GPD2: variants seen among roughly 807,000 people sequenced by gnomAD.
GPD2 encodes glycerol-3-phosphate dehydrogenase, mitochondrial.
GPD2 carries 54 observed loss-of-function variants against 82.4 expected under a neutral mutation model. The observed-to-expected ratio is 0.66, with a 90% CI of 0.53 to 0.82. The LOEUF is 0.82. GPD2 is among the 40% of genes least tolerant of loss of function. The pLI is 0.00. For synonymous variants in GPD2, 288 were observed against 306.1 expected, an observed-to-expected ratio of 0.94 and a Z score of 0.62; for missense variants, 748 against 896.2, an observed-to-expected ratio of 0.83 and a Z score of 2.11.
chr2:156,445,246 G>A (rs1682329952), intron 1 of GPD2, among the ~76,000 whole-genome samples: 1 of 152,188 alleles, frequency 6.6e-6, no homozygotes, highest in Non-Finnish European at 1.5e-5. Context: ...AAGGCACAGA[G>A]AAGTTAAGGG....
intron 1 of GPD2, among the ~76,000 whole-genome samples, chr2:156,460,108 A>G (rs1422131103): frequency 6.6e-6 from 1 of 152,224 alleles, no homozygotes; most frequent in East Asian, 1.9e-4. Flanking sequence ...TTTACTTAAT[A>G]TTATCCCAAT....
chr2:156,466,989 T>C (rs958955545), intron 1 of GPD2, among the ~76,000 whole-genome samples: 20 of 152,198 alleles, frequency 1.3e-4, no homozygotes, highest in African/African-American at 4.8e-4. Context: ...TCTAAAATGA[T>C]ATAATTGACA....
intron 6 of GPD2, among the ~76,000 whole-genome samples, chr2:156,534,186 C>G (rs1163480120): frequency 6.6e-6 from 1 of 152,120 alleles, no homozygotes; most frequent in East Asian, 1.9e-4. Flanking sequence ...GTCCTGTGGC[C>G]GATCTCCTCT....
chr2:156,531,489 T>G (rs990235803), intron 6 of GPD2, among the ~76,000 whole-genome samples: 7 of 152,218 alleles, frequency 4.6e-5, no homozygotes, highest in Admixed American at 4.6e-4. Context: ...TCATTTACTT[T>G]AAAATGGTTC....
At chr2:156,536,770 G>A (rs1686099756) in intron 6 of GPD2, among the ~76,000 whole-genome samples, 1 of 152,136 alleles carries the variant, frequency 6.6e-6, no homozygotes, top group African/African-American at 2.4e-5. Flanking sequence ...TGCTGACTAG[G>A]CAATCTTAAT....
chr2:156,553,137 C>T (rs150585568), intron 8 of GPD2, among the ~76,000 whole-genome samples: 60 of 152,118 alleles, frequency 3.9e-4, no homozygotes, highest in African/African-American at 1.4e-3. Flanking sequence ...GATCTGCCCG[C>T]CTCGCCTCCC....
intron 6 of GPD2, among the ~76,000 whole-genome samples, chr2:156,519,156 CAT>C (rs1361130989): frequency 6.6e-6 from 1 of 151,698 alleles, no homozygotes; most frequent in African/African-American, 2.4e-5. Flanking sequence ...TAAATATACA[CAT>C]ATTGGAGATA....
At chr2:156,400,758 G>A in the GPD2 span, among the ~76,000 whole-genome samples, 10 of 152,220 alleles carry the variant, frequency 6.6e-5, no homozygotes, top group African/African-American at 2.2e-4. Context: ...CCAGAAATAT[G>A]CTTTCGGCTG....
At position 156,447,838 on chromosome 2, in the gene GPD2, T is replaced by C. The variant is rs533430775; in HGVS notation, c.-9+11325T>C. Among the ~76,000 whole-genome samples the C allele has an allele frequency of 1.2e-4, 18 of 152,340 alleles. No individual in the cohort carries two copies. In the South Asian group the frequency reaches 3.3e-3, roughly 28 times the overall value. ...TGGAATTCCCAGGGTCTGTCTTTAG[T>C]TCACTCTCTTTTCTCTGTTGATGCT... is the stretch of plus-strand genomic sequence containing the variant. On this transcript the variant is annotated intron_variant, in intron 1 of 16. Coordinates refer to ENST00000438166, the MANE Select transcript of GPD2 (RefSeq NM_000408.5).
intron 1 of GPD2, among the ~76,000 whole-genome samples, chr2:156,446,127 C>T (rs148126574): frequency 5.3e-5 from 8 of 152,120 alleles, no homozygotes; most frequent in African/African-American, 1.9e-4. Context: ...AGATGAGTCT[C>T]GCTCTGTTGC....
chr2:156,469,693 G>T (rs1267402424), intron 1 of GPD2, among the ~76,000 whole-genome samples: 10 of 152,122 alleles, frequency 6.6e-5, no homozygotes. Context: ...TTCTGTAATT[G>T]ATCTTTGAGC....
chr2:156,582,400 T>C (rs941847230), intron 16 of GPD2, among the ~76,000 whole-genome samples: 2 of 151,124 alleles, frequency 1.3e-5, no homozygotes, highest in East Asian at 1.9e-4. Context: ...TAGACAAATA[T>C]AGGTCATGGT....
At chr2:156,510,748 T>C in intron 3 of GPD2, 48 bp from the exon 4 acceptor site, 5 of 1,521,602 alleles carry the variant, frequency 3.3e-6, no homozygotes, top group Non-Finnish European at 4.6e-6. Flanking sequence ...ATGAATTACA[T>C]ACAAATTGTG....
intron 3 of GPD2, among the ~76,000 whole-genome samples, chr2:156,504,995 A>G (rs529663806): frequency 6.6e-6 from 1 of 152,232 alleles, no homozygotes; most frequent in East Asian, 1.9e-4. Flanking sequence ...TATATTGAGC[A>G]TGTTTTCATG....
intron 6 of GPD2, among the ~76,000 whole-genome samples, chr2:156,531,225 C>T (rs1427349033): frequency 3.9e-5 from 6 of 152,152 alleles, no homozygotes; most frequent in Admixed American, 2.6e-4. Context: ...ACCCCTGCCC[C>T]CTTTAAATAT....
intron 9 of GPD2, among the ~76,000 whole-genome samples, chr2:156,558,180 A>G (rs1687033255): frequency 6.6e-6 from 1 of 152,120 alleles, no homozygotes; most frequent in South Asian, 2.1e-4. Context: ...TTTTTCATTC[A>G]GGCCAGTCTC....
intron 1 of GPD2, among the ~76,000 whole-genome samples, chr2:156,450,900 C>G (rs557820705): frequency 1.5e-4 from 19 of 130,922 alleles, no homozygotes; most frequent in Non-Finnish European, 3.1e-4. Context: ...ATCTGTTTAA[C>G]AAAGCACATC....
chr2:156,404,968 G>C, the GPD2 span, among the ~76,000 whole-genome samples: 2 of 152,150 alleles, frequency 1.3e-5, no homozygotes, highest in Non-Finnish European at 2.9e-5. Flanking sequence ...CAGCTTGTTG[G>C]AATAAGGTAA....
At chr2:156,420,073 T>C in the GPD2 span, among the ~76,000 whole-genome samples, 1 of 152,234 alleles carries the variant, frequency 6.6e-6, no homozygotes, top group Non-Finnish European at 1.5e-5. Flanking sequence ...AATGAAATAT[T>C]TGGCATCCTA....
Sources: allele counts gnomAD v4.1 joint callset (sites outside exome capture counted in the v4.1 genomes callset), GRCh38; gene constraint gnomAD v4.1.1; transcripts MANE v1.5; gene names NCBI Gene and HGNC (gene_info 2026-07-23, HGNC 2026-07-21).